DMD: variants seen among roughly 807,000 people sequenced by gnomAD.
DMD encodes the protein dystrophin.
Under a neutral mutation model 330.1 loss-of-function variants are expected in DMD, and 63 were observed. The observed-to-expected ratio is 0.19, with a 90% confidence interval of 0.16 to 0.24. The LOEUF (loss-of-function observed/expected upper bound fraction) is 0.24, where lower values mean the gene tolerates loss of function less well. DMD is among the 10% of genes least tolerant of loss of function. The pLI is 1.00. For synonymous variants in DMD, 1,223 were observed against 959.8 expected, an observed-to-expected ratio of 1.27 and a Z score of -5.07; for missense variants, 3,344 against 2,684.1, an observed-to-expected ratio of 1.25 and a Z score of -5.43.
intron 2 of DMD, among the ~76,000 whole-genome samples, chrX:32,948,149 C>CACACACACACACACACACACACACACA: frequency 9.3e-6 from 1 of 107,152 alleles, no homozygotes; most frequent in Admixed American, 1.0e-4. Flanking sequence ...CACACACACA[C>CACACACACACACACACACACACACACA]CAGGGACGGA....
intron 34 of DMD, among the ~76,000 whole-genome samples, chrX:32,367,134 C>A (rs1033861237): frequency 8.9e-6 from 1 of 111,942 alleles, no homozygotes; most frequent in African/African-American, 3.2e-5. Flanking sequence ...TGGGTAGATA[C>A]AGACCCTTTA....
intron 1 of DMD, among the ~76,000 whole-genome samples, chrX:33,309,095 A>G (rs1293376384): frequency 9.0e-6 from 1 of 111,456 alleles, no homozygotes; most frequent in East Asian, 2.8e-4. Context: ...ACAGTACATA[A>G]CAGAGCCAAG....
chrX:31,818,406 T>A (rs1236317795), intron 50 of DMD, among the ~76,000 whole-genome samples: 1 of 111,861 alleles, frequency 8.9e-6, no homozygotes, highest in Non-Finnish European at 1.9e-5. Context: ...TTATAAACAT[T>A]GTTACATTTA....
intron 63 of DMD, among the ~76,000 whole-genome samples, 192 bp downstream of exon 63, chrX:31,260,763 A>G (rs1325395524): frequency 8.9e-6 from 1 of 112,210 alleles, no homozygotes; most frequent in Non-Finnish European, 1.9e-5. Flanking sequence ...ATCAACTTCT[A>G]AAACTTGTTT....
At chrX:32,481,839 C>G (rs1363000419) in intron 21 of DMD, among the ~76,000 whole-genome samples, 1 of 111,884 alleles carries the variant, frequency 8.9e-6, no homozygotes, top group African/African-American at 3.2e-5. Context: ...TTTTCTCCAC[C>G]ATGTATATTA....
rs5972692 is a variant in DMD at position 32,844,394 on chromosome X, G to A, written c.264+389C>T. On this transcript the variant is annotated intron_variant, in intron 4 of 78. Coordinates refer to ENST00000357033, the MANE Select transcript of DMD (RefSeq NM_004006.3). ...GCACTCCAGCCTGGGACAGAAGAGCGAGACTCCATCTCAAAAAAAAAAAAA... is the reference window on the plus strand; with the variant it reads ...GCACTCCAGCCTGGGACAGAAGAGCAAGACTCCATCTCAAAAAAAAAAAAA... Among the ~76,000 whole-genome samples, 9 of 84,534 alleles carry A rather than the reference G, an allele frequency of 1.1e-4. 1 individual carries two copies. The highest frequency in any genetic ancestry group is 4.5e-4 in the African/African-American group (9 of 20,137). 73.4% of individuals were successfully genotyped at this position (84,534 alleles called of 115,157 possible). A position where few individuals can be genotyped will look rare whatever the true frequency, so the allele number is the denominator to read the frequency against.
At chrX:32,590,842 G>A (rs577872258) in intron 13 of DMD, among the ~76,000 whole-genome samples, 18 of 111,202 alleles carry the variant, frequency 1.6e-4, no homozygotes, top group African/African-American at 4.6e-4. Flanking sequence ...TGCAGATGGC[G>A]TATCATGGGA....
chrX:32,887,776 A>AAAAAAAAAC (rs1259032561), intron 2 of DMD, among the ~76,000 whole-genome samples: 1 of 95,048 alleles, frequency 1.1e-5, no homozygotes, highest in Non-Finnish European at 2.1e-5. Context: ...AAAAAAAAAA[A>AAAAAAAAAC]CATCAACTAA....
intron 63 of DMD, among the ~76,000 whole-genome samples, chrX:31,256,056 G>A (rs954095176): frequency 9.1e-6 from 1 of 110,126 alleles, no homozygotes; most frequent in Non-Finnish European, 1.9e-5. Flanking sequence ...GATTACAGGC[G>A]TGAGCCACCG....
chrX:32,128,088 T>A (rs1603626525), intron 44 of DMD, among the ~76,000 whole-genome samples: 1 of 112,473 alleles, frequency 8.9e-6, no homozygotes, highest in Admixed American at 9.4e-5. Context: ...AGCAATATTC[T>A]TTTAACTTTC....
intron 45 of DMD, among the ~76,000 whole-genome samples, chrX:31,940,773 C>T (rs1218221273): frequency 9.2e-6 from 1 of 108,543 alleles, no homozygotes; most frequent in East Asian, 2.9e-4. Context: ...CGGGAAAGAA[C>T]GCCCTAAGCA....
At chrX:31,205,052 T>G (rs2043931192) in intron 66 of DMD, among the ~76,000 whole-genome samples, 1 of 112,274 alleles carries the variant, frequency 8.9e-6, no homozygotes, top group Non-Finnish European at 1.9e-5. Flanking sequence ...GTGCCAGAAG[T>G]ATCTACAGTA....
At chrX:31,326,177 G>A (rs1490706026) in intron 61 of DMD, among the ~76,000 whole-genome samples, 1 of 110,683 alleles carries the variant, frequency 9.0e-6, no homozygotes, top group African/African-American at 3.3e-5. Context: ...GAAAATTGGC[G>A]TTGCCTGGCT....
intron 44 of DMD, among the ~76,000 whole-genome samples, chrX:32,199,373 C>T (rs1292499579): frequency 1.8e-5 from 2 of 111,405 alleles, no homozygotes; most frequent in African/African-American, 6.5e-5. Flanking sequence ...TCCCTGGTGG[C>T]CAAACTCACT....
intron 55 of DMD, among the ~76,000 whole-genome samples, chrX:31,590,984 T>C (rs996735796): frequency 1.8e-5 from 2 of 111,475 alleles, no homozygotes; most frequent in Non-Finnish European, 3.8e-5. Context: ...CTTTCTAATA[T>C]GGTAACCACT....
chrX:31,174,605 TC>T (rs1045380795), intron 71 of DMD, among the ~76,000 whole-genome samples: 5 of 111,517 alleles, frequency 4.5e-5, no homozygotes, highest in African/African-American at 1.3e-4. Context: ...AAGGCATAAA[TC>T]CAAAAGTCAA....
At chrX:31,885,079 T>C (rs999424775) in intron 47 of DMD, among the ~76,000 whole-genome samples, 11 of 111,523 alleles carry the variant, frequency 9.9e-5, no homozygotes, top group African/African-American at 3.3e-4. Flanking sequence ...TTTCAGGTAC[T>C]TCATGATGGA....
At chrX:33,332,515 C>T (rs1011368832) in intron 1 of DMD, among the ~76,000 whole-genome samples, 7 of 111,239 alleles carry the variant, frequency 6.3e-5, no homozygotes, top group South Asian at 3.7e-4. Flanking sequence ...TATACTAAGA[C>T]GGCCATCTCC....
At chrX:32,643,915 T>C (rs1415929176) in intron 11 of DMD, among the ~76,000 whole-genome samples, 1 of 111,955 alleles carries the variant, frequency 8.9e-6, no homozygotes, top group Non-Finnish European at 1.9e-5. Flanking sequence ...CATAGTTCTG[T>C]AGATAACAGT....
Sources: gnomAD v4.1 joint callset for allele counts (sites outside exome capture counted in the v4.1 genomes callset) on GRCh38, gnomAD v4.1.1 for gene constraint, MANE v1.5 for transcripts, NCBI Gene and HGNC (gene_info 2026-07-23, HGNC 2026-07-21) for gene names.